Variants in MAPK15 observed in about 807,000 individuals in gnomAD.
The protein encoded by MAPK15 is mitogen-activated protein kinase 15.
Under a neutral mutation model 60.8 loss-of-function variants are expected in MAPK15, and 61 were observed. The ratio of observed to expected loss-of-function variants is 1.00; its 90% CI spans 0.82 to 1.24. The LOEUF (loss-of-function observed/expected upper bound fraction) is 1.24, where lower values mean the gene tolerates loss of function less well. Ranked by LOEUF, MAPK15 falls within the 50% of genes most tolerant of loss-of-function variation. MAPK15 has a pLI of 0.00. For synonymous variants in MAPK15, 356 were observed against 319.9 expected, an observed-to-expected ratio of 1.11 and a Z score of -1.21; for missense variants, 808 against 741.1, an observed-to-expected ratio of 1.09 and a Z score of -1.05.
Position 143,720,612 on chromosome 8 carries a change from C to G in MAPK15, c.780-91C>G, listed in dbSNP as rs782405380. 23 of 1,523,624 alleles carry G rather than the reference C, an allele frequency of 1.5e-5. No homozygotes were observed. Among genetic ancestry groups the G allele is most frequent in the Non-Finnish European group, 2.0e-5 (23 of 1,132,396 alleles). 94.4% of individuals were successfully genotyped at this position (1,523,624 alleles called of 1,614,324 possible). A position where few individuals can be genotyped will look rare whatever the true frequency, so the allele number is the denominator to read the frequency against. On this transcript the variant is annotated intron_variant, in intron 8 of 13. Transcript: ENST00000338033. This position sits in a 1 kb window ranked among gnomAD's most constrained non-coding sequence, Gnocchi z 4.6. Reference sequence around the variant, plus strand: ...CCTAGACAGGACAGCAGGGTGGACCCCAGTTTGGAAGCTGAGCCCCCAGCC... The same window carrying G: ...CCTAGACAGGACAGCAGGGTGGACCGCAGTTTGGAAGCTGAGCCCCCAGCC...
chr8:143,718,729 C>T (rs1402801422), intron 4 of MAPK15, 46 bp from the exon 5 acceptor site: 2 of 419,016 alleles, frequency 4.8e-6, no homozygotes, highest in African/African-American at 2.2e-5. Flanking sequence ...CCCAGGTTGC[C>T]CCCCCAGCCC....
At chr8:143,718,724 G>A (rs1817909577) in intron 4 of MAPK15, 51 bp from the exon 5 acceptor site, 3 of 783,688 alleles carry the variant, frequency 3.8e-6, no homozygotes, top group Middle Eastern at 3.8e-4. Flanking sequence ...CTCCCCCCAG[G>A]TTGCCCCCCC....
intron 4 of MAPK15, 48 bp from the exon 5 acceptor site, chr8:143,718,727 G>GGGCCCCCC: frequency 1.9e-6 from 1 of 514,524 alleles, no homozygotes; most frequent in Non-Finnish European, 3.2e-6. Context: ...CCCCCAGGTT[G>GGGCCCCCC]CCCCCCCAGC....
At position 143,716,828 on chromosome 8, in the gene MAPK15, G is replaced by C. The variant is rs887946976; in HGVS notation, c.66+385G>C. On this transcript the variant is annotated intron_variant, in intron 1 of 13. Transcript: ENST00000338033. ...CGGACCCCAGGCTCAGGAGCACAGG[G>C]GCGAGGCCCGAGAAGGGCCTGAGCG... 2.0e-5 allele frequency among the ~76,000 whole-genome samples: 3 copies of C among 152,224 alleles called. 1 individual carries two copies. The South Asian group carries it at 6.2e-4, about 31-fold the overall frequency.
At chr8:143,719,261 T>C (rs1817948020) in intron 6 of MAPK15, 82 bp from the exon 7 acceptor site, 2 of 1,528,926 alleles carry the variant, frequency 1.3e-6, no homozygotes, top group East Asian at 2.3e-5. Context: ...GGTCCACAAG[T>C]GTTCCCCCAT....
At position 143,719,103 on chromosome 8, in the gene MAPK15, G is replaced by A. The variant is rs781973633; in HGVS notation, c.528G>A (p.Glu176=). 1.3e-6 allele frequency: 2 copies of A among 1,564,748 alleles called. No homozygotes were observed. The highest frequency in any genetic ancestry group is 1.9e-5 in the Admixed American group (1 of 52,482). Residue 176 remains glutamate, a synonymous_variant, in exon 6 of 14, where the codon GAG becomes GAA. Transcript: ENST00000338033. ...PEGPEDQAVT[E]YVATRWYRAP... is the part of the protein sequence containing the mutation. ...GGCCTGAGGACCAGGCCGTGACAGA[G>A]TACGTGGCCACACGCTGGTACCGAG...
intron 4 of MAPK15, 48 bp from the exon 5 acceptor site, chr8:143,718,727 G>GGGCCCCCCCCCCCCCCCCCCCC: frequency 1.9e-6 from 1 of 514,506 alleles, no homozygotes; most frequent in Non-Finnish European, 3.2e-6. Context: ...CCCCCAGGTT[G>GGGCCCCCCCCCCCCCCCCCCCC]CCCCCCCAGC....
At position 143,716,458 on chromosome 8, in the gene MAPK15, G is replaced by T; in HGVS notation, c.66+15G>T. 4.4e-6 allele frequency: 7 copies of T among 1,592,362 alleles called. No individual in the cohort carries two copies. The highest frequency in any genetic ancestry group is 6.0e-6 in the Non-Finnish European group (7 of 1,171,942). ...TCGGGCAGGGGGTGAGTGCCTGGGG[G>T]TGCGTCCGCGCGCCGAGGGGCGCGG... On this transcript the variant is annotated intron_variant, in intron 1 of 13. Coordinates refer to ENST00000338033, the MANE Select transcript of MAPK15 (RefSeq NM_139021.3).
intron 1 of MAPK15, 65 bp downstream of exon 1, chr8:143,716,508 G>A: frequency 1.3e-6 from 2 of 1,486,194 alleles, no homozygotes; most frequent in Non-Finnish European, 9.1e-7. Context: ...GAGGACCTGC[G>A]GGGCGCGGCC....
At chr8:143,721,167 G>A in intron 10 of MAPK15, 62 bp downstream of exon 10, 3 of 1,593,748 alleles carry the variant, frequency 1.9e-6, no homozygotes, top group Non-Finnish European at 8.6e-7. Flanking sequence ...TGCCTCCTAT[G>A]TCAGAGACCC....
chr8:143,716,776 C>G (rs555712929), intron 1 of MAPK15, among the ~76,000 whole-genome samples: 94 of 152,330 alleles, frequency 6.2e-4, no homozygotes, highest in African/African-American at 2.2e-3. Context: ...GAGGCTGGGC[C>G]CGCGCCCGGG....
rs1440447185 is a variant in MAPK15, at chr8:143,721,261, AC to A, written c.1056del (p.Ser353ArgfsTer72). On this transcript the variant is annotated frameshift_variant, in exon 11 of 14. Coordinates refer to ENST00000338033, the MANE Select transcript of MAPK15 (RefSeq NM_139021.3). LOFTEE classifies it high-confidence loss of function. ...MILECGGSSG[T>X]SREKGPEGVS... ...CCTGGAGTGTGGAGGCAGCAGCGGC[AC>A]CTCGAGAGAGAAGGGCCCGGAGGGT... 3.1e-6 allele frequency: 5 copies of A among 1,612,610 alleles called. No homozygotes were observed. The highest frequency in any genetic ancestry group is 4.2e-6 in the Non-Finnish European group (5 of 1,179,550).
intron 4 of MAPK15, 109 bp downstream of exon 4, chr8:143,718,411 G>A: frequency 2.0e-6 from 2 of 1,011,268 alleles, no homozygotes; most frequent in East Asian, 2.6e-5. Context: ...CTGGCCCACA[G>A]TGGCTTGCTC....
Sources: gnomAD v4.1 joint callset for allele counts (sites outside exome capture counted in the v4.1 genomes callset) on GRCh38, gnomAD v4.1.1 for gene constraint, Gnocchi (gnomAD v3.1) non-coding constraint, MANE v1.5 for transcripts, NCBI Gene and HGNC (gene_info 2026-07-23, HGNC 2026-07-21) for gene names.